The following ZEB2 variants were observed in gnomAD, a reference collection of about 807,000 sequenced individuals.
ZEB2 encodes the protein zinc finger E-box binding homeobox 2, also known as zinc finger E-box-binding homeobox 2.
In ZEB2, 6 loss-of-function variants were observed where a neutral mutation model predicts 99.9. The observed-to-expected ratio is 0.06, with a 90% confidence interval of 0.03 to 0.12. The LOEUF (loss-of-function observed/expected upper bound fraction) is 0.12. Among genes scored for constraint, ZEB2 ranks in the 10% least tolerant of loss-of-function variants. ZEB2 has a pLI of 1.00. For synonymous variants in ZEB2, 517 were observed against 542.5 expected, an observed-to-expected ratio of 0.95 and a Z score of 0.65; for missense variants, 969 against 1,502.8, an observed-to-expected ratio of 0.64 and a Z score of 5.87.
At chr2:144,434,938 G>T (rs1703817644) in intron 2 of ZEB2, among the ~76,000 whole-genome samples, 1 of 152,166 alleles carries the variant, frequency 6.6e-6, no homozygotes. Context: ...CATGATAATG[G>T]TTCCCTGTTT....
chr2:144,490,881 T>A (rs562992365), intron 2 of ZEB2, among the ~76,000 whole-genome samples: 1 of 152,350 alleles, frequency 6.6e-6, no homozygotes, highest in Admixed American at 6.5e-5. Flanking sequence ...AATGACTAAT[T>A]TTCCTAAGGA....
chr2:144,515,200 T>C (rs1011525523), intron 2 of ZEB2, among the ~76,000 whole-genome samples: 1 of 139,822 alleles, frequency 7.2e-6, no homozygotes, highest in African/African-American at 2.7e-5. Context: ...TCTTTTTCTC[T>C]CAAAAAAAAA....
Position 144,399,975 on chromosome 2 carries a change from C to A in ZEB2, c.1212G>T (p.Met404Ile), listed in dbSNP as rs1703289064. 3.1e-6 allele frequency: 5 copies of A among 1,614,186 alleles called. No homozygotes were observed. Among genetic ancestry groups the A allele is most frequent in the Non-Finnish European group, 3.4e-6 (4 of 1,180,028 alleles). ...TAGTGCCACTAAACCCGTGTGTAGC[C>A]ATAAGAACTTTATAGTCATTGAAGT... ...PLDFNDYKVL[M>I]ATHGFSGTSP... The change falls in exon 8 of 10, where the codon ATG becomes ATT. Residue 404 changes from methionine to isoleucine, a missense_variant. By Grantham distance (10) the Met-to-Ile change is conservative. This residue lies in a region of ZEB2 where 227 missense variants were observed against 278.2 expected (regional missense o/e 0.82). Transcript: ENST00000627532. This position sits in a 1 kb window ranked among gnomAD's most constrained non-coding sequence, Gnocchi z 5.6.
At chr2:144,432,664 T>C (rs1429789265) in intron 2 of ZEB2, among the ~76,000 whole-genome samples, 3 of 152,158 alleles carry the variant, frequency 2.0e-5, no homozygotes, top group Admixed American at 2.0e-4. Context: ...GTGGAAATTT[T>C]CACCATAAAA....
chr2:144,428,326 C>T (rs759752742), intron 3 of ZEB2: 7 of 152,124 alleles, frequency 4.6e-5, no homozygotes, highest in Non-Finnish European at 1.0e-4. Flanking sequence ...TCTTATTATA[C>T]ATGTAAATGG....
At chr2:144,517,041 C>G (rs1465412857) in intron 2 of ZEB2, among the ~76,000 whole-genome samples, 2 of 149,300 alleles carry the variant, frequency 1.3e-5, no homozygotes, top group East Asian at 4.0e-4. Context: ...CCGGCCGGAC[C>G]CCCGCGCTCG....
intron 4 of ZEB2, among the ~76,000 whole-genome samples, chr2:144,415,408 A>C (rs1251577826): frequency 1.3e-5 from 2 of 152,218 alleles, no homozygotes; most frequent in African/African-American, 4.8e-5. Flanking sequence ...AAACCAAAAA[A>C]GAACTTTATT....
chr2:144,506,812 T>C (rs1368761377), intron 2 of ZEB2, among the ~76,000 whole-genome samples: 2 of 152,136 alleles, frequency 1.3e-5, no homozygotes, highest in Non-Finnish European at 2.9e-5. Flanking sequence ...TTGTCAGGAG[T>C]ACCTTTCCTT....
intron 2 of ZEB2, among the ~76,000 whole-genome samples, chr2:144,500,195 T>C (rs1265320019): frequency 6.6e-6 from 1 of 152,214 alleles, no homozygotes; most frequent in East Asian, 1.9e-4. Flanking sequence ...TTTTTACTTT[T>C]AAATTCTGTA....
chr2:144,386,302 A>C lies in ZEB2; in HGVS notation c.*3149T>G, dbSNP rs962756138. On this transcript the variant is annotated 3_prime_UTR_variant, in exon 10 of 10. Transcript: ENST00000627532. ...GTTTGCGACCTTGGAGAAGAATCTTAAGACAAATCAAAAGTTTTTATTTTT... is the reference window on the plus strand; with the variant it reads ...GTTTGCGACCTTGGAGAAGAATCTTCAGACAAATCAAAAGTTTTTATTTTT... 1 of 152,176 alleles carries C rather than the reference A, an allele frequency of 6.6e-6. No individual in the cohort carries two copies. The highest frequency in any genetic ancestry group is 1.5e-5 in the Non-Finnish European group (1 of 68,018). 9.4% of individuals were successfully genotyped at this position (152,176 alleles called of 1,614,324 possible).
chr2:144,384,081 T>A lies in ZEB2; in HGVS notation c.*5370A>T, dbSNP rs1703049328. ...AAGACCAATTAGAATACTTAAAAGATCATTTGTCATCACTTTAATCTTCAT... is the reference window on the plus strand; with the variant it reads ...AAGACCAATTAGAATACTTAAAAGAACATTTGTCATCACTTTAATCTTCAT... On this transcript the variant is annotated 3_prime_UTR_variant, in exon 10 of 10. Coordinates refer to ENST00000627532, the MANE Select transcript of ZEB2 (RefSeq NM_014795.4). The A allele has an allele frequency of 6.6e-6, 1 of 152,184 alleles. No homozygotes were observed. The highest frequency in any genetic ancestry group is 6.5e-5 in the Admixed American group (1 of 15,284). The allele number at this position is 152,184 out of a possible 1,614,324, so 9.4% of individuals were successfully genotyped here.
chr2:144,475,491 C>CGT (rs1428935864), intron 2 of ZEB2, among the ~76,000 whole-genome samples: 3 of 151,930 alleles, frequency 2.0e-5, no homozygotes, highest in Admixed American at 6.6e-5. Flanking sequence ...TACATATGTG[C>CGT]GTGTATATAT....
intron 2 of ZEB2, chr2:144,513,399 A>G: frequency 1.5e-6 from 2 of 1,370,586 alleles, no homozygotes; most frequent in South Asian, 2.4e-5. Flanking sequence ...CTTCTCCTTC[A>G]CACTGTCCCC....
At chr2:144,481,311 C>G (rs1224569676) in intron 2 of ZEB2, among the ~76,000 whole-genome samples, 12 of 152,294 alleles carry the variant, frequency 7.9e-5, no homozygotes, top group Admixed American at 7.2e-4. Context: ...GGGCTGCATG[C>G]TGTATGTGGC....
intron 2 of ZEB2, among the ~76,000 whole-genome samples, chr2:144,509,736 T>C (rs990371762): frequency 1.3e-5 from 2 of 152,198 alleles, no homozygotes; most frequent in African/African-American, 4.8e-5. Context: ...CAAGACAGTC[T>C]AGGAGCAAGA....
At chr2:144,517,992 C>T in intron 1 of ZEB2, 1 of 292,034 alleles carries the variant, frequency 3.4e-6, no homozygotes. Flanking sequence ...CTGTCTCTTC[C>T]TCCCCCCACC....
rs11287771 is a variant in ZEB2, at chr2:144,445,265, C to CTT, written c.74-15241_74-15240dup. On this transcript the variant is annotated intron_variant, in intron 2 of 9. Coordinates refer to ENST00000627532, the MANE Select transcript of ZEB2 (RefSeq NM_014795.4). ...CTGCTTCTATCATTTCTTTCCTCCT[C>CTT]TTTTTTTTTTTTTTTTTTTTTTGAT... 5.2e-3 allele frequency among the ~76,000 whole-genome samples: 382 copies of CTT among 73,792 alleles called. 1 individual carries two copies. The highest frequency in any genetic ancestry group is 8.3e-3 in the Middle Eastern group (1 of 120). 48.4% of individuals were successfully genotyped at this position (73,792 alleles called of 152,430 possible).
intron 2 of ZEB2, among the ~76,000 whole-genome samples, chr2:144,466,017 A>C (rs1704267531): frequency 6.6e-6 from 1 of 152,182 alleles, no homozygotes; most frequent in African/African-American, 2.4e-5. Flanking sequence ...GGATCAACGG[A>C]CTGAAAATCT....
chr2:144,400,365 G>A, intron 7 of ZEB2, 95 bp from the exon 8 acceptor site: 1 of 1,348,094 alleles, frequency 7.4e-7, no homozygotes, highest in Non-Finnish European at 1.0e-6. Flanking sequence ...CAAACAAAAG[G>A]AACACAATGG....
Sources: gnomAD v4.1 joint callset for allele counts (sites outside exome capture counted in the v4.1 genomes callset) on GRCh38, gnomAD v4.1.1 for gene constraint, gnomAD v4.1.1 regional missense constraint, Gnocchi (gnomAD v3.1) non-coding constraint, MANE v1.5 for transcripts, NCBI Gene and HGNC (gene_info 2026-07-23, HGNC 2026-07-21) for gene names.